The following ADCY5 variants were observed in gnomAD, a reference collection of about 807,000 sequenced individuals.
ADCY5 encodes the protein adenylate cyclase 5.
A neutral mutation model predicts 119.7 loss-of-function variants in ADCY5; 30 were observed. The ratio of observed to expected loss-of-function variants is 0.25; its 90% CI spans 0.19 to 0.34. ADCY5 has a LOEUF of 0.34. Ranked by LOEUF, ADCY5 falls within the 10% of genes least tolerant of loss-of-function variation. The probability of loss-of-function intolerance (pLI) is 1.00; values close to 1 mark genes in which losing one functional copy is unlikely to be tolerated. For synonymous variants in ADCY5, 753 were observed against 762.2 expected, an observed-to-expected ratio of 0.99 and a Z score of 0.20; for missense variants, 1,324 against 1,775.2, an observed-to-expected ratio of 0.75 and a Z score of 4.57.
intron 3 of ADCY5, among the ~76,000 whole-genome samples, chr3:123,344,518 T>C (rs1942437355): frequency 6.6e-6 from 1 of 152,184 alleles, no homozygotes; most frequent in African/African-American, 2.4e-5. Flanking sequence ...CCTATCCTAT[T>C]ACGCAGATGA....
chr3:123,362,038 A>T (rs1301082066), intron 1 of ADCY5, among the ~76,000 whole-genome samples: 1 of 152,222 alleles, frequency 6.6e-6, no homozygotes, highest in African/African-American at 2.4e-5. Context: ...CACAGCACAG[A>T]TCTACCATAT....
chr3:123,286,633 C>CA lies in ADCY5; in HGVS notation c.3657+51dup. 1 of 1,536,966 alleles carries CA rather than the reference C, an allele frequency of 6.5e-7. No individual in the cohort carries two copies. Among genetic ancestry groups the CA allele is most frequent in the Non-Finnish European group, 8.7e-7 (1 of 1,147,176 alleles). On this transcript the variant is annotated intron_variant, in intron 20 of 20. Transcript: ENST00000462833. The surrounding 1 kb of genome is among the most constrained non-coding windows in gnomAD (Gnocchi z 4.2). ...GCCTGCCCTGAAGACCTCTCGGTGT[C>CA]AGACACAGGACCTCCCATGGGGTGA...
At chr3:123,397,303 T>C (rs1280650678) in intron 1 of ADCY5, among the ~76,000 whole-genome samples, 1 of 152,134 alleles carries the variant, frequency 6.6e-6, no homozygotes, top group Non-Finnish European at 1.5e-5. Flanking sequence ...GCTCAAAGAC[T>C]GCCAAGGAAA....
At chr3:123,314,626 A>C (rs957898435) in intron 11 of ADCY5, among the ~76,000 whole-genome samples, 7 of 152,202 alleles carry the variant, frequency 4.6e-5, no homozygotes, top group African/African-American at 7.2e-5. Context: ...AGCTGAATGG[A>C]GAACCAGGTG....
In ADCY5 at chr3:123,409,225, T is replaced by C. The variant is rs377202951; in HGVS notation, c.1134+38187A>G. On this transcript the variant is annotated intron_variant, in intron 1 of 20. Transcript: ENST00000462833. ...GGTTTTTAGAAAAGTTTAACCCTTA[T>C]AAGGGTCTGCTTTAACTATATCCAC... Among the ~76,000 whole-genome samples the C allele has an allele frequency of 3.3e-5, 5 of 152,314 alleles. No individual in the cohort carries two copies. The East Asian group carries it at 5.8e-4, about 18-fold the overall frequency.
chr3:123,410,892 T>A (rs900733015), intron 1 of ADCY5, among the ~76,000 whole-genome samples: 2 of 152,126 alleles, frequency 1.3e-5, no homozygotes, highest in African/African-American at 4.8e-5. Flanking sequence ...AAGTGATCCT[T>A]CTGCCTGGGC....
At chr3:123,303,836 GAA>G (rs1462540818) in intron 13 of ADCY5, among the ~76,000 whole-genome samples, 19 of 135,430 alleles carry the variant, frequency 1.4e-4, no homozygotes, top group Admixed American at 4.4e-4. Context: ...AAACTGGAAA[GAA>G]AAGAGAAGAG....
At position 123,320,823 on chromosome 3, in the gene ADCY5, C is replaced by G. The variant is rs553710949; in HGVS notation, c.2089-52G>C. The G allele has an allele frequency of 3.6e-5, 52 of 1,434,152 alleles. No individual in the cohort carries two copies. In the East Asian group the frequency reaches 1.2e-3, roughly 34 times the overall value. The allele number at this position is 1,434,152 out of a possible 1,614,324, so 88.8% of individuals were successfully genotyped here. On this transcript the variant is annotated intron_variant, in intron 8 of 20. Coordinates refer to ENST00000462833, the MANE Select transcript of ADCY5 (RefSeq NM_183357.3). ...GAGAAGAGAATGAGAACAGAGAGAA[C>G]TGAAAGCTCAGAGGCGTCTAGATGG...
intron 1 of ADCY5, among the ~76,000 whole-genome samples, chr3:123,394,349 A>T (rs1039061108): frequency 2.6e-5 from 4 of 152,176 alleles, no homozygotes; most frequent in Non-Finnish European, 4.4e-5. Context: ...AATTTTTTTT[A>T]AAATGCATAT....
intron 15 of ADCY5, among the ~76,000 whole-genome samples, chr3:123,297,631 G>A (rs1939600068): frequency 6.6e-6 from 1 of 152,192 alleles, no homozygotes; most frequent in Non-Finnish European, 1.5e-5. Flanking sequence ...TGCCTTCCCA[G>A]ACCCCAGCAT....
At chr3:123,390,754 C>G (rs1944380097) in intron 1 of ADCY5, among the ~76,000 whole-genome samples, 1 of 152,192 alleles carries the variant, frequency 6.6e-6, no homozygotes, top group Non-Finnish European at 1.5e-5. Context: ...GAGGCTAGGC[C>G]ACCCAGTCCC....
intron 10 of ADCY5, among the ~76,000 whole-genome samples, chr3:123,319,434 A>T (rs1941097756): frequency 6.6e-6 from 1 of 152,202 alleles, no homozygotes; most frequent in Non-Finnish European, 1.5e-5. Flanking sequence ...GGGAATGTTA[A>T]CTGTCCCCAT....
chr3:123,428,050 G>T (rs952476482), intron 1 of ADCY5, among the ~76,000 whole-genome samples: 1 of 152,198 alleles, frequency 6.6e-6, no homozygotes, highest in African/African-American at 2.4e-5. Context: ...GAGGATCAAC[G>T]GACAGGGACC....
chr3:123,438,325 A>G (rs927416775), intron 1 of ADCY5, among the ~76,000 whole-genome samples: 2 of 152,160 alleles, frequency 1.3e-5, no homozygotes, highest in African/African-American at 2.4e-5. Context: ...GTTTAATCCA[A>G]TATTTCCTAA....
chr3:123,408,695 G>A (rs1244968924), intron 1 of ADCY5, among the ~76,000 whole-genome samples: 2 of 148,084 alleles, frequency 1.4e-5, no homozygotes, highest in African/African-American at 2.5e-5. Flanking sequence ...AGCTGTACTC[G>A]GCCGGGCATG....
At chr3:123,427,803 G>A (rs1945442542) in intron 1 of ADCY5, among the ~76,000 whole-genome samples, 1 of 152,230 alleles carries the variant, frequency 6.6e-6, no homozygotes, top group African/African-American at 2.4e-5. Flanking sequence ...CTTGACACAG[G>A]TGGCAGTTAT....
chr3:123,418,944 A>T (rs7429365), intron 1 of ADCY5: 1 of 160,252 alleles, frequency 6.2e-6, no homozygotes, highest in East Asian at 1.9e-4. Flanking sequence ...GGGACTTACA[A>T]CATTGTCTCT....
chr3:123,299,403 G>T (rs922056904), intron 15 of ADCY5, among the ~76,000 whole-genome samples: 2 of 152,168 alleles, frequency 1.3e-5, no homozygotes, highest in Non-Finnish European at 2.9e-5. Flanking sequence ...ATTTTACAAA[G>T]AAAAAATTAT....
chr3:123,350,942 C>T lies in ADCY5; in HGVS notation c.1284+1490G>A, dbSNP rs1013296715. ...GATGATGAGGGGCTTTTCAGGAATG[C>T]TGAGGCCTGGGGGTGAGTGTGGTGC... On this transcript the variant is annotated intron_variant, in intron 2 of 20. Transcript: ENST00000462833. Among the ~76,000 whole-genome samples, 4 of 152,130 alleles carry T rather than the reference C, an allele frequency of 2.6e-5. No individual in the cohort carries two copies. In the South Asian group the frequency reaches 8.3e-4, roughly 32 times the overall value.
Sources: gnomAD v4.1 joint callset for allele counts (sites outside exome capture counted in the v4.1 genomes callset) on GRCh38, gnomAD v4.1.1 for gene constraint, Gnocchi (gnomAD v3.1) non-coding constraint, MANE v1.5 for transcripts, NCBI Gene and HGNC (gene_info 2026-07-23, HGNC 2026-07-21) for gene names.